Variants in IL34 observed in about 807,000 individuals in gnomAD.
The protein encoded by IL34 is interleukin 34, also known as interleukin-34.
IL34 carries 17 observed loss-of-function variants against 25.3 expected under a neutral mutation model. The observed-to-expected ratio is 0.67, with a 90% confidence interval of 0.46 to 1.01. IL34 has a LOEUF of 1.01. Ranked by LOEUF, IL34 falls within the 50% of genes least tolerant of loss-of-function variation. IL34 has a pLI of 0.00. For synonymous variants in IL34, 174 were observed against 140.9 expected (o/e 1.23, Z -1.66); for missense variants, 368 against 312.9 (o/e 1.18, Z -1.33).
chr16:70,604,918 ATG>A, intron 1 of IL34, among the ~76,000 whole-genome samples: 1 of 151,686 alleles, frequency 6.6e-6, no homozygotes, highest in East Asian at 1.9e-4. Flanking sequence ...GTGTGTGTGC[ATG>A]TGTGTGTGTG....
intron 1 of IL34, among the ~76,000 whole-genome samples, chr16:70,635,703 A>C (rs1435764320): frequency 6.6e-6 from 1 of 152,242 alleles, no homozygotes; most frequent in Admixed American, 6.5e-5. Context: ...TTGATAGTGC[A>C]AAAACAACAG....
At chr16:70,586,903 A>G (rs1325906008) in intron 1 of IL34, among the ~76,000 whole-genome samples, 1 of 152,194 alleles carries the variant, frequency 6.6e-6, no homozygotes, top group East Asian at 1.9e-4. Context: ...TGTGGCGGCC[A>G]CCTGGTTTGG....
intron 1 of IL34, among the ~76,000 whole-genome samples, chr16:70,623,962 CG>C (rs2051334707): frequency 8.3e-6 from 1 of 120,292 alleles, no homozygotes; most frequent in African/African-American, 2.9e-5. Context: ...TTGATTAAGG[CG>C]ACGGACTTAC....
intron 1 of IL34, among the ~76,000 whole-genome samples, chr16:70,597,642 C>A (rs2050843495): frequency 6.6e-6 from 1 of 152,220 alleles, no homozygotes; most frequent in Non-Finnish European, 1.5e-5. Flanking sequence ...TTACAAAATG[C>A]AGCTGTTTAA....
At chr16:70,642,897 G>T (rs558873389), upstream of IL34, among the ~76,000 whole-genome samples, 107 of 152,186 alleles carry the variant, frequency 7.0e-4, no homozygotes, top group African/African-American at 2.5e-3. Context: ...AAGAATATTA[G>T]TGGCTGCCAG....
chr16:70,592,800 A>T (rs1274734742), intron 1 of IL34, among the ~76,000 whole-genome samples: 2 of 151,954 alleles, frequency 1.3e-5, no homozygotes, highest in African/African-American at 4.8e-5. Context: ...GATTACAGGC[A>T]CATGCCACCA....
upstream of IL34, among the ~76,000 whole-genome samples, chr16:70,642,948 G>C (rs1367412916): frequency 6.6e-6 from 1 of 152,148 alleles, no homozygotes; most frequent in Admixed American, 6.5e-5. Flanking sequence ...CTGCTAATGA[G>C]TTCAGAGTTT....
At chr16:70,598,435 AG>A (rs1427727075) in intron 1 of IL34, among the ~76,000 whole-genome samples, 1 of 151,990 alleles carries the variant, frequency 6.6e-6, no homozygotes, top group Non-Finnish European at 1.5e-5. Context: ...TGTCAACTAA[AG>A]AAAAAAAAAA....
intron 1 of IL34, among the ~76,000 whole-genome samples, chr16:70,633,346 C>G (rs1465915251): frequency 6.6e-6 from 1 of 151,096 alleles, no homozygotes; most frequent in Non-Finnish European, 1.5e-5. Context: ...TTTGACCTCC[C>G]AGGCTAAAGC....
At chr16:70,650,254 G>T (rs1164901081) in intron 1 of IL34, among the ~76,000 whole-genome samples, 1 of 152,164 alleles carries the variant, frequency 6.6e-6, no homozygotes, top group Non-Finnish European at 1.5e-5. Flanking sequence ...CCTGGTCCCT[G>T]TTTGTTAACC....
intron 1 of IL34, among the ~76,000 whole-genome samples, chr16:70,613,733 G>T (rs1288829517): frequency 6.6e-6 from 1 of 152,114 alleles, no homozygotes; most frequent in Non-Finnish European, 1.5e-5. Context: ...AATTAGCCAG[G>T]CATGGTGGCG....
rs34816911 is a variant in IL34, at chr16:70,636,585, T to TCACACACACA, written c.-400-9928_-400-9919dup. On this transcript the variant is annotated intron_variant, in intron 1 of 6. Coordinates refer to the IL34 transcript ENST00000429149. ...AGCCTGGACAACATAGCAAACCCTG[T>TCACACACACA]CACACACACACACACACACACACAC... Among the ~76,000 whole-genome samples, 684 of 136,468 alleles carry TCACACACACA rather than the reference T, an allele frequency of 5.0e-3. 3 individuals are homozygous for TCACACACACA. The highest frequency in any genetic ancestry group is 0.013 in the African/African-American group (478 of 36,156). 89.5% of individuals were successfully genotyped at this position (136,468 alleles called of 152,430 possible).
intron 1 of IL34, among the ~76,000 whole-genome samples, chr16:70,625,549 A>G (rs2051373890): frequency 6.6e-6 from 1 of 152,080 alleles, no homozygotes; most frequent in Non-Finnish European, 1.5e-5. Context: ...CCCCCAGAAA[A>G]GCGGGACTTG....
chr16:70,612,802 T>C (rs145381960), intron 1 of IL34, among the ~76,000 whole-genome samples: 13 of 152,220 alleles, frequency 8.5e-5, no homozygotes, highest in Non-Finnish European at 1.8e-4. Flanking sequence ...TTTGTTTGTT[T>C]TGAGACAGAG....
chr16:70,589,564 T>C (rs1196286302), intron 1 of IL34, among the ~76,000 whole-genome samples: 1 of 152,156 alleles, frequency 6.6e-6, no homozygotes, highest in Non-Finnish European at 1.5e-5. Context: ...ATAAAAGACA[T>C]GATCTCATTC....
intron 1 of IL34, among the ~76,000 whole-genome samples, chr16:70,632,262 C>T (rs192496672): frequency 9.5e-4 from 144 of 152,274 alleles, no homozygotes; most frequent in South Asian, 3.7e-3. Flanking sequence ...GCCAGGTGGT[C>T]TTAGCATTCA....
chr16:70,617,514 G>C (rs1174072108), intron 1 of IL34, among the ~76,000 whole-genome samples: 3 of 152,156 alleles, frequency 2.0e-5, no homozygotes, highest in African/African-American at 7.2e-5. Flanking sequence ...AGTTGGTCTG[G>C]TGTCTGGAAT....
intron 1 of IL34, among the ~76,000 whole-genome samples, chr16:70,640,575 G>A (rs1265214501): frequency 6.7e-6 from 1 of 148,486 alleles, no homozygotes; most frequent in Non-Finnish European, 1.5e-5. Context: ...AGTGAGCCGA[G>A]ATCTTGCCAC....
At chr16:70,654,702 T>A in intron 2 of IL34, 31 bp downstream of exon 2, 1 of 1,573,480 alleles carries the variant, frequency 6.4e-7, no homozygotes. Flanking sequence ...TGTGTCCCTG[T>A]CCCCGCGTCC....
Sources: allele counts gnomAD v4.1 joint callset (sites outside exome capture counted in the v4.1 genomes callset), GRCh38; gene constraint gnomAD v4.1.1; transcripts MANE v1.5; gene names NCBI Gene and HGNC (gene_info 2026-07-23, HGNC 2026-07-21).